CACNA1C: variants seen among roughly 807,000 people sequenced by gnomAD.
The protein encoded by CACNA1C is calcium voltage-gated channel subunit alpha1 C, also known as voltage-dependent L-type calcium channel subunit alpha-1C.
A neutral mutation model predicts 229.0 loss-of-function variants in CACNA1C; 30 were observed. The observed-to-expected ratio is 0.13, with a 90% CI of 0.10 to 0.18. The LOEUF is 0.18. Among genes scored for constraint, CACNA1C ranks in the 10% least tolerant of loss-of-function variants. CACNA1C has a pLI of 1.00. For synonymous variants in CACNA1C, 1,114 were observed against 1,132.5 expected (o/e 0.98, Z 0.33); for missense variants, 1,658 against 2,845.0 (o/e 0.58, Z 9.49).
chr12:2,000,989 G>A (rs1565884559), intron 1 of CACNA1C, among the ~76,000 whole-genome samples: 2 of 151,330 alleles, frequency 1.3e-5, no homozygotes, highest in African/African-American at 2.4e-5. Context: ...GTGAGCCATG[G>A]TCACGCCATT....
Position 2,651,782 on chromosome 12 carries a change from A to T in CACNA1C, c.4074+14A>T, listed in dbSNP as rs371806132. ...AAGTCCTTCCAGGTAGCCGCCCCTC[A>T]TGTCCTGCGGCCCGGGGAATCGCAG... is the stretch of plus-strand genomic sequence containing the variant. On this transcript the variant is annotated intron_variant, in intron 32 of 46. Coordinates refer to ENST00000399655, the MANE Select transcript of CACNA1C (RefSeq NM_000719.7). This position sits in a 1 kb window ranked among gnomAD's most constrained non-coding sequence, Gnocchi z 5.4. The T allele has an allele frequency of 3.2e-6, 5 of 1,579,516 alleles. No individual in the cohort carries two copies. Among genetic ancestry groups the T allele is most frequent in the Non-Finnish European group, 3.4e-6 (4 of 1,164,948 alleles).
chr12:2,576,519 G>A (rs913041462), intron 13 of CACNA1C, among the ~76,000 whole-genome samples: 10 of 152,298 alleles, frequency 6.6e-5, no homozygotes, highest in African/African-American at 2.4e-4. Flanking sequence ...CCTTTTTGGT[G>A]TGTGAGCGTG....
chr12:2,016,372 CTATTGTACAATGTATCAATG>C (rs2045367510), intron 1 of CACNA1C, among the ~76,000 whole-genome samples: 1 of 152,128 alleles, frequency 6.6e-6, no homozygotes. Context: ...CTAAAACTAA[CTATTGTACAATGTATCAATG>C]TATTGATTGT....
At chr12:2,109,082 C>T (rs1195694914) in intron 1 of CACNA1C, among the ~76,000 whole-genome samples, 1 of 152,228 alleles carries the variant, frequency 6.6e-6, no homozygotes, top group Non-Finnish European at 1.5e-5. Flanking sequence ...TGCTCACCCT[C>T]TCTAAATCGA....
chr12:2,277,333 A>G (rs1290418657), intron 3 of CACNA1C, among the ~76,000 whole-genome samples: 1 of 104,706 alleles, frequency 9.6e-6, no homozygotes, highest in Non-Finnish European at 1.9e-5. Flanking sequence ...TCCTTCTAGT[A>G]GACAGACAGA....
At chr12:2,019,167 A>G (rs889141285) in intron 1 of CACNA1C, among the ~76,000 whole-genome samples, 1 of 152,116 alleles carries the variant, frequency 6.6e-6, no homozygotes, top group Non-Finnish European at 1.5e-5. Flanking sequence ...TGAGGATTAG[A>G]AATGGAATCT....
intron 5 of CACNA1C, among the ~76,000 whole-genome samples, chr12:2,484,853 G>A (rs1309626884): frequency 6.6e-6 from 1 of 151,764 alleles, no homozygotes; most frequent in East Asian, 1.9e-4. Context: ...CTAATGGGAG[G>A]CTGCAAGCAC....
rs138681143 is a variant in CACNA1C, at chr12:2,512,647, G to A, written c.1218-165G>A. Among the ~76,000 whole-genome samples, 47 of 152,170 alleles carry A rather than the reference G, an allele frequency of 3.1e-4. No individual in the cohort carries two copies. Among genetic ancestry groups the A allele is most frequent in the African/African-American group, 9.9e-4 (41 of 41,512 alleles). On this transcript the variant is annotated intron_variant, in intron 8 of 46. Coordinates refer to ENST00000399655, the MANE Select transcript of CACNA1C (RefSeq NM_000719.7). This position sits in a 1 kb window ranked among gnomAD's most constrained non-coding sequence, Gnocchi z 4.3. ...GTAGACCTAACCTAGGCTGACTAGCGGAGCTGTCTGTGGAAAGTAGGGGCG... is the reference window on the plus strand; with the variant it reads ...GTAGACCTAACCTAGGCTGACTAGCAGAGCTGTCTGTGGAAAGTAGGGGCG...
chr12:2,684,068 C>G (rs2097316627), intron 43 of CACNA1C, among the ~76,000 whole-genome samples: 1 of 152,210 alleles, frequency 6.6e-6, no homozygotes, highest in South Asian at 2.1e-4. Context: ...GGAGGGGACA[C>G]CAGGTGCCCC....
chr12:2,318,495 T>C (rs2095807097), intron 3 of CACNA1C, among the ~76,000 whole-genome samples: 1 of 152,216 alleles, frequency 6.6e-6, no homozygotes, highest in African/African-American at 2.4e-5. Flanking sequence ...CCCACATTGC[T>C]CAAGAGCTGT....
chr12:2,354,673 C>T lies in CACNA1C; in HGVS notation c.478-94303C>T, dbSNP rs916604323. Among the ~76,000 whole-genome samples the T allele has an allele frequency of 6.6e-6, 1 of 152,172 alleles. No homozygotes were observed. Among genetic ancestry groups the T allele is most frequent in the Admixed American group, 6.5e-5 (1 of 15,286 alleles). ...CCAGGGAGAGCCCAGACACTCCTGACCACAGACTGGCTTGTAATTTGGCTT... is the reference window on the plus strand; with the variant it reads ...CCAGGGAGAGCCCAGACACTCCTGATCACAGACTGGCTTGTAATTTGGCTT... On this transcript the variant is annotated intron_variant, in intron 3 of 46. Transcript: ENST00000399655. This position sits in a 1 kb window ranked among gnomAD's most constrained non-coding sequence, Gnocchi z 4.6.
At chr12:2,158,115 CAG>C (rs1200395162) in intron 3 of CACNA1C, among the ~76,000 whole-genome samples, 8 of 152,108 alleles carry the variant, frequency 5.3e-5, no homozygotes, top group Admixed American at 5.2e-4. Context: ...ACTACAAAAA[CAG>C]AGGGGAGGAA....
At chr12:2,500,846 GTGCACAT>G (rs1314554282) in intron 7 of CACNA1C, among the ~76,000 whole-genome samples, 3 of 152,146 alleles carry the variant, frequency 2.0e-5, no homozygotes, top group Non-Finnish European at 4.4e-5. Context: ...TGTGTGTGCA[GTGCACAT>G]TACTGCTGGT....
chr12:2,493,063 T>C lies in CACNA1C; in HGVS notation c.917-127T>C. On this transcript the variant is annotated intron_variant, in intron 6 of 46. Transcript: ENST00000399655. This position sits in a 1 kb window ranked among gnomAD's most constrained non-coding sequence, Gnocchi z 4.6. ...CCTGATTTAAACATGTCTTGCGCTG[T>C]TGTTGCCATGGTTGCTTTGCCCATC... 1.4e-6 allele frequency: 1 copy of C among 705,236 alleles called. No individual in the cohort carries two copies. The highest frequency in any genetic ancestry group is 2.5e-6 in the Non-Finnish European group (1 of 404,970). 43.7% of individuals were successfully genotyped at this position (705,236 alleles called of 1,614,324 possible).
rs1287437912 is a variant in CACNA1C at position 2,106,195 on chromosome 12, G to A, written c.50-9029G>A. On this transcript the variant is annotated intron_variant, in intron 1 of 46. Coordinates refer to ENST00000399655, the MANE Select transcript of CACNA1C (RefSeq NM_000719.7). ...GAGAGAGTTTCCACCTCAGCTGGGCGTCCTGAAGCCACTGGGTGCCCACCC... is the reference window on the plus strand; with the variant it reads ...GAGAGAGTTTCCACCTCAGCTGGGCATCCTGAAGCCACTGGGTGCCCACCC... 6.2e-4 allele frequency among the ~76,000 whole-genome samples: 28 copies of A among 44,960 alleles called. 3 individuals carry two copies. Among genetic ancestry groups the A allele is most frequent in the South Asian group, 9.5e-4 (1 of 1,058 alleles). The allele number at this position is 44,960 out of a possible 152,430, so 29.5% of individuals were successfully genotyped here.
At chr12:2,310,505 G>C (rs968199490) in intron 3 of CACNA1C, among the ~76,000 whole-genome samples, 1 of 152,126 alleles carries the variant, frequency 6.6e-6, no homozygotes, top group Admixed American at 6.5e-5. Flanking sequence ...ATGCTATAAA[G>C]AGCTTGGCAT....
chr12:2,478,091 A>G (rs2099640065), intron 5 of CACNA1C, among the ~76,000 whole-genome samples: 1 of 152,198 alleles, frequency 6.6e-6, no homozygotes, highest in Non-Finnish European at 1.5e-5. Flanking sequence ...CACAAAGGGC[A>G]GAAGACTAAC....
chr12:2,569,042 G>T (rs751759511), intron 13 of CACNA1C, among the ~76,000 whole-genome samples: 1 of 152,136 alleles, frequency 6.6e-6, no homozygotes, highest in African/African-American at 2.4e-5. Flanking sequence ...CTGAAAATGC[G>T]TTCAAGATCT....
chr12:2,288,501 G>A (rs992702482), intron 3 of CACNA1C, among the ~76,000 whole-genome samples: 2 of 152,166 alleles, frequency 1.3e-5, no homozygotes, highest in African/African-American at 4.8e-5. Context: ...CTCTGAGTCA[G>A]CTTGTCCATT....
Sources: gnomAD v4.1 joint callset for allele counts (sites outside exome capture counted in the v4.1 genomes callset) on GRCh38, gnomAD v4.1.1 for gene constraint, Gnocchi (gnomAD v3.1) non-coding constraint, MANE v1.5 for transcripts, NCBI Gene and HGNC (gene_info 2026-07-23, HGNC 2026-07-21) for gene names.